Variants in DSCAM observed in about 807,000 individuals in gnomAD.
DSCAM encodes the protein cell adhesion molecule DSCAM.
In DSCAM, 47 loss-of-function variants were observed where a neutral mutation model predicts 217.7. That is an observed-to-expected ratio of 0.22 (90% confidence interval 0.17 to 0.28). The LOEUF (loss-of-function observed/expected upper bound fraction) is 0.28. Among genes scored for constraint, DSCAM ranks in the 10% least tolerant of loss-of-function variants. The pLI is 1.00. For synonymous variants in DSCAM, 1,056 were observed against 1,015.3 expected (o/e 1.04, Z -0.76); for missense variants, 2,080 against 2,618.3 (o/e 0.79, Z 4.49).
At chr21:40,135,451 G>A (rs1251296708) in intron 18 of DSCAM, among the ~76,000 whole-genome samples, 2 of 152,198 alleles carry the variant, frequency 1.3e-5, no homozygotes, top group Admixed American at 1.3e-4. Flanking sequence ...GGAAGTCGAG[G>A]GACAGAGAGG....
intron 5 of DSCAM, among the ~76,000 whole-genome samples, chr21:40,351,407 T>C (rs1021025353): frequency 1.3e-5 from 2 of 152,180 alleles, no homozygotes; most frequent in Non-Finnish European, 2.9e-5. Context: ...TGTTTTGAAG[T>C]GCCAACTAAA....
chr21:40,182,617 C>G lies in DSCAM; in HGVS notation c.2780-3523G>C, dbSNP rs1162629516. ...GCCAGCAGAGAAACCGTGGACAGAACGGGCCACCAGAGAAACCGTGGACAG... is the reference window on the plus strand; with the variant it reads ...GCCAGCAGAGAAACCGTGGACAGAAGGGGCCACCAGAGAAACCGTGGACAG... On this transcript the variant is annotated intron_variant, in intron 14 of 32. Transcript: ENST00000400454. Among the ~76,000 whole-genome samples the G allele has an allele frequency of 3.9e-4, 32 of 82,400 alleles. 1 individual carries two copies. Among genetic ancestry groups the G allele is most frequent in the African/African-American group, 1.6e-3 (25 of 15,690 alleles). 54.1% of individuals were successfully genotyped at this position (82,400 alleles called of 152,430 possible).
At chr21:40,747,027 C>A (rs555993824) in intron 1 of DSCAM, among the ~76,000 whole-genome samples, 18 of 151,804 alleles carry the variant, frequency 1.2e-4, no homozygotes, top group African/African-American at 3.9e-4. Context: ...TGAAAATATG[C>A]ACACAACATA....
chr21:40,593,883 T>C (rs1055792937), intron 3 of DSCAM, among the ~76,000 whole-genome samples: 1 of 152,186 alleles, frequency 6.6e-6, no homozygotes, highest in Non-Finnish European at 1.5e-5. Context: ...TTGCTACCTA[T>C]CTACAGATGT....
intron 3 of DSCAM, among the ~76,000 whole-genome samples, chr21:40,407,147 A>C (rs1470330563): frequency 1.3e-5 from 2 of 152,126 alleles, no homozygotes; most frequent in Non-Finnish European, 2.9e-5. Flanking sequence ...AAATGTTCAC[A>C]CCACAAAAAA....
At chr21:40,813,839 G>T (rs187430464) in intron 1 of DSCAM, among the ~76,000 whole-genome samples, 1 of 151,974 alleles carries the variant, frequency 6.6e-6, no homozygotes, top group African/African-American at 2.4e-5. Context: ...TAGAGACAGG[G>T]TTTCACCACC....
chr21:40,842,850 C>CTTTT (rs371807101), intron 1 of DSCAM, among the ~76,000 whole-genome samples: 1 of 152,104 alleles, frequency 6.6e-6, no homozygotes, highest in Admixed American at 6.5e-5. Flanking sequence ...AGGAGAGAGT[C>CTTTT]AAAAAGTGGA....
intron 2 of DSCAM, among the ~76,000 whole-genome samples, chr21:40,698,869 TAAAAAAAAAAAAA>T (rs56775350): frequency 5.6e-5 from 6 of 107,988 alleles, no homozygotes; most frequent in African/African-American, 1.4e-4. Flanking sequence ...GAATCCGTCT[TAAAAAAAAAAAAA>T]AAAAAAAAAA....
At chr21:40,605,392 T>C (rs1248116096) in intron 3 of DSCAM, among the ~76,000 whole-genome samples, 1 of 152,196 alleles carries the variant, frequency 6.6e-6, no homozygotes, top group Admixed American at 6.5e-5. Flanking sequence ...TTTTTCATGT[T>C]ATGAGCCCAG....
chr21:40,433,024 C>CA (rs368561334), intron 3 of DSCAM, among the ~76,000 whole-genome samples: 28 of 151,904 alleles, frequency 1.8e-4, no homozygotes, highest in African/African-American at 4.3e-4. Context: ...TTTACAGATA[C>CA]AAAAAAAATC....
intron 30 of DSCAM, among the ~76,000 whole-genome samples, chr21:40,046,588 G>C (rs749022794): frequency 6.6e-6 from 1 of 152,150 alleles, no homozygotes; most frequent in Non-Finnish European, 1.5e-5. Context: ...AGGCACTATC[G>C]ACTTGATAAG....
chr21:40,772,998 T>C (rs1055452728), intron 1 of DSCAM, among the ~76,000 whole-genome samples: 2 of 152,232 alleles, frequency 1.3e-5, no homozygotes, highest in Non-Finnish European at 2.9e-5. Context: ...GGTCAAAGCA[T>C]TGGCCCTATT....
At chr21:40,442,299 G>A (rs1260725659) in intron 3 of DSCAM, among the ~76,000 whole-genome samples, 1 of 151,974 alleles carries the variant, frequency 6.6e-6, no homozygotes, top group Non-Finnish European at 1.5e-5. Context: ...TCTGGATGTT[G>A]AGGTCAAAAT....
At chr21:40,384,174 C>CT (rs2075057647) in intron 3 of DSCAM, 1 of 152,320 alleles carries the variant, frequency 6.6e-6, no homozygotes, top group African/African-American at 2.4e-5. Flanking sequence ...CAGGTTGGTG[C>CT]TAGGATAGTG....
At chr21:40,311,052 G>A (rs1394476474) in intron 9 of DSCAM, among the ~76,000 whole-genome samples, 1 of 152,016 alleles carries the variant, frequency 6.6e-6, no homozygotes, top group African/African-American at 2.4e-5. Context: ...CAGCTGGCAA[G>A]GAAGAAGAGG....
intron 19 of DSCAM, among the ~76,000 whole-genome samples, chr21:40,125,690 G>A (rs1453565525): frequency 6.6e-6 from 1 of 152,210 alleles, no homozygotes; most frequent in East Asian, 1.9e-4. Flanking sequence ...GCTAACAGTG[G>A]AAGGTCTAGA....
chr21:40,834,106 G>A (rs1440527197), intron 1 of DSCAM, among the ~76,000 whole-genome samples: 5 of 152,040 alleles, frequency 3.3e-5, no homozygotes, highest in South Asian at 2.1e-4. Flanking sequence ...AAATAGGGGA[G>A]GAGTCTTTTT....
chr21:40,791,975 C>T (rs1322705632), intron 1 of DSCAM, among the ~76,000 whole-genome samples: 4 of 152,086 alleles, frequency 2.6e-5, no homozygotes, highest in Non-Finnish European at 4.4e-5. Flanking sequence ...TGGATCTTAG[C>T]AACAGAAATT....
chr21:40,113,487 C>A (rs112480929), intron 20 of DSCAM, among the ~76,000 whole-genome samples: 2 of 152,090 alleles, frequency 1.3e-5, no homozygotes, highest in African/African-American at 2.4e-5. Context: ...GAAGCATTCC[C>A]TTGAAAACTG....
Sources: gnomAD v4.1 joint callset for allele counts (sites outside exome capture counted in the v4.1 genomes callset) on GRCh38, gnomAD v4.1.1 for gene constraint, MANE v1.5 for transcripts, NCBI Gene and HGNC (gene_info 2026-07-23, HGNC 2026-07-21) for gene names.